The following BATF variants were observed in gnomAD, a reference collection of about 807,000 sequenced individuals.
BATF encodes the protein basic leucine zipper ATF-like transcription factor.
Under a neutral mutation model 13.7 loss-of-function variants are expected in BATF, and 5 were observed. The observed-to-expected ratio is 0.36, with a 90% confidence interval of 0.19 to 0.77. The LOEUF (loss-of-function observed/expected upper bound fraction) is 0.77. Ranked by LOEUF, BATF falls within the 30% of genes least tolerant of loss-of-function variation. BATF has a pLI of 0.51. For synonymous variants in BATF, 72 were observed against 67.5 expected (o/e 1.07, Z -0.33); for missense variants, 124 against 163.0 (o/e 0.76, Z 1.30).
chr14:75,540,611 G>A (rs1887882263), intron 2 of BATF, among the ~76,000 whole-genome samples: 1 of 152,202 alleles, frequency 6.6e-6, no homozygotes, highest in African/African-American at 2.4e-5. Context: ...AAGTACCGGT[G>A]CTGCAACTTC....
At chr14:75,541,708 G>C (rs987070745) in intron 2 of BATF, among the ~76,000 whole-genome samples, 6 of 152,184 alleles carry the variant, frequency 3.9e-5, no homozygotes, top group African/African-American at 7.2e-5. Context: ...GGGTTGCCCA[G>C]GCTGAACTAC....
At chr14:75,534,563 T>C (rs901949582) in intron 2 of BATF, among the ~76,000 whole-genome samples, 2 of 152,338 alleles carry the variant, frequency 1.3e-5, no homozygotes, top group Non-Finnish European at 2.9e-5. Context: ...TCAGTCCTAG[T>C]TGAGAACGCT....
chr14:75,544,255 T>A (rs1887947269), intron 2 of BATF, among the ~76,000 whole-genome samples: 1 of 152,010 alleles, frequency 6.6e-6, no homozygotes, highest in South Asian at 2.1e-4. Context: ...AAAAAAAAAT[T>A]ATTATTATTT....
chr14:75,532,182 C>A (rs576620924), intron 2 of BATF, among the ~76,000 whole-genome samples: 6 of 152,264 alleles, frequency 3.9e-5, no homozygotes, highest in Admixed American at 2.6e-4. Context: ...CGTCAGAACC[C>A]ATTTTCCTAA....
rs571582791 is a variant in BATF, at chr14:75,546,829, C to T, written c.*158C>T. The T allele has an allele frequency of 9.5e-7, 1 of 1,048,134 alleles. No homozygotes were observed. The highest frequency in any genetic ancestry group is 1.6e-5 in the African/African-American group (1 of 63,398). 64.9% of individuals were successfully genotyped at this position (1,048,134 alleles called of 1,614,324 possible). A position where few individuals can be genotyped will look rare whatever the true frequency, so the allele number is the denominator to read the frequency against. On this transcript the variant is annotated 3_prime_UTR_variant, in exon 3 of 3. Transcript: ENST00000286639. ...CTGTCACGACTGGAAGGGCGTGAGGCCTCCCAGCAGTGCCGCAGCGTTTCG... is the reference window on the plus strand; with the variant it reads ...CTGTCACGACTGGAAGGGCGTGAGGTCTCCCAGCAGTGCCGCAGCGTTTCG...
chr14:75,545,845 A>G (rs1887976726), intron 2 of BATF, among the ~76,000 whole-genome samples: 1 of 151,810 alleles, frequency 6.6e-6, no homozygotes, highest in South Asian at 2.1e-4. Flanking sequence ...TATCAGGTTG[A>G]ACCATATGAA....
intron 2 of BATF, among the ~76,000 whole-genome samples, chr14:75,544,679 G>C (rs1230921172): frequency 6.6e-6 from 1 of 151,338 alleles, no homozygotes; most frequent in African/African-American, 2.4e-5. Flanking sequence ...TTCTTAACAA[G>C]CCTTCAAATT....
intron 2 of BATF, among the ~76,000 whole-genome samples, chr14:75,542,235 C>CTCA (rs1207580387): frequency 6.6e-6 from 1 of 152,198 alleles, no homozygotes; most frequent in African/African-American, 2.4e-5. Context: ...CTCAGTTGTC[C>CTCA]TCATCTGTAG....
chr14:75,524,091 C>A (rs1887616325), intron 1 of BATF, among the ~76,000 whole-genome samples: 1 of 152,146 alleles, frequency 6.6e-6, no homozygotes. Flanking sequence ...TGGATCTGTG[C>A]CCCTCTAGCC....
intron 2 of BATF, among the ~76,000 whole-genome samples, chr14:75,537,584 G>T (rs900392705): frequency 6.6e-6 from 1 of 152,134 alleles, no homozygotes; most frequent in Non-Finnish European, 1.5e-5. Flanking sequence ...GAAACGAAAC[G>T]GTTAAAGTTA....
intron 2 of BATF, 136 bp downstream of exon 2, chr14:75,525,324 C>T (rs528010845): frequency 2.5e-5 from 22 of 873,456 alleles, no homozygotes; most frequent in African/African-American, 2.2e-4. Flanking sequence ...GGGTGAGGGC[C>T]GTGGGGTGAG....
intron 2 of BATF, among the ~76,000 whole-genome samples, chr14:75,540,486 G>A (rs933952217): frequency 3.3e-5 from 5 of 152,212 alleles, no homozygotes; most frequent in African/African-American, 9.7e-5. Context: ...GAAAGCCACC[G>A]GGGCTGAGGA....
intron 2 of BATF, among the ~76,000 whole-genome samples, chr14:75,539,001 G>T (rs1887858031): frequency 6.6e-6 from 1 of 152,256 alleles, no homozygotes; most frequent in South Asian, 2.1e-4. Flanking sequence ...AATCTTGCTA[G>T]TGGTAACCTT....
chr14:75,523,811 A>G (rs1318086832), intron 1 of BATF, among the ~76,000 whole-genome samples: 4 of 152,216 alleles, frequency 2.6e-5, no homozygotes, highest in Non-Finnish European at 5.9e-5. Flanking sequence ...ACGGAGCAGC[A>G]GGCTGGGATG....
intron 2 of BATF, among the ~76,000 whole-genome samples, chr14:75,527,864 G>A (rs537733769): frequency 1.3e-5 from 2 of 152,288 alleles, no homozygotes; most frequent in East Asian, 3.9e-4. Flanking sequence ...TGAGTAGGTC[G>A]CAGCGGAGTT....
chr14:75,542,898 T>C (rs1887917874), intron 2 of BATF, among the ~76,000 whole-genome samples: 1 of 152,136 alleles, frequency 6.6e-6, no homozygotes, highest in Non-Finnish European at 1.5e-5. Context: ...CAGAGCTTGC[T>C]TAGGGAGGAA....
At chr14:75,523,059 C>A (rs934513384) in intron 1 of BATF, among the ~76,000 whole-genome samples, 4 of 151,962 alleles carry the variant, frequency 2.6e-5, no homozygotes, top group Admixed American at 2.0e-4. Flanking sequence ...TCAAAGAATG[C>A]AGAGAAAAGA....
rs145274145 is a variant in BATF at position 75,536,905 on chromosome 14, G to A, written c.169-9557G>A. Among the ~76,000 whole-genome samples, 56 of 152,102 alleles carry A rather than the reference G, an allele frequency of 3.7e-4. 1 individual carries two copies. In the East Asian group the frequency reaches 8.1e-3, roughly 22 times the overall value. On this transcript the variant is annotated intron_variant, in intron 2 of 2. Transcript: ENST00000286639. ...TAGCACCTCACTAGGCTGTTTGACC[G>A]TTTAATTGAGAGGGCAAATGTAAGA...
At position 75,545,201 on chromosome 14, in the gene BATF, G is replaced by C. The variant is rs372817821; in HGVS notation, c.169-1261G>C. 7.2e-5 allele frequency among the ~76,000 whole-genome samples: 11 copies of C among 151,944 alleles called. No individual in the cohort carries two copies. In the South Asian group the frequency reaches 2.3e-3, roughly 32 times the overall value. On this transcript the variant is annotated intron_variant, in intron 2 of 2. Coordinates refer to ENST00000286639, the MANE Select transcript of BATF (RefSeq NM_006399.5). ...CGTTGTAGCAGACTTTGACCATTTA[G>C]TATTTATTTATTTCATTTTTATTTT...
Sources: gnomAD v4.1 joint callset for allele counts (sites outside exome capture counted in the v4.1 genomes callset) on GRCh38, gnomAD v4.1.1 for gene constraint, MANE v1.5 for transcripts, NCBI Gene and HGNC (gene_info 2026-07-23, HGNC 2026-07-21) for gene names.